The following UNC5C variants were observed in gnomAD, a reference collection of about 807,000 sequenced individuals.
UNC5C encodes the protein unc-5 netrin receptor C, also known as netrin receptor UNC5C.
Under a neutral mutation model 99.8 loss-of-function variants are expected in UNC5C, and 47 were observed. That is an observed-to-expected ratio of 0.47 (90% CI 0.37 to 0.60). The LOEUF (loss-of-function observed/expected upper bound fraction) is 0.60. Ranked by LOEUF, UNC5C falls within the 20% of genes least tolerant of loss-of-function variation. The pLI is 0.00. For missense variants in UNC5C, 1,062 were observed against 1,165.9 expected (o/e 0.91, Z 1.30); for synonymous variants, 487 against 452.2 (o/e 1.08, Z -0.98).
chr4:95,331,886 A>G (rs1384577952), intron 2 of UNC5C, among the ~76,000 whole-genome samples: 1 of 152,104 alleles, frequency 6.6e-6, no homozygotes, highest in East Asian at 1.9e-4. Context: ...AGGATACAAA[A>G]TCAATGTACA....
At chr4:95,341,144 C>A (rs920183429) in intron 1 of UNC5C, among the ~76,000 whole-genome samples, 2 of 152,044 alleles carry the variant, frequency 1.3e-5, no homozygotes, top group Non-Finnish European at 2.9e-5. Flanking sequence ...TTGTTGGAAT[C>A]CATATTACAG....
intron 1 of UNC5C, among the ~76,000 whole-genome samples, chr4:95,469,093 C>T (rs374738129): frequency 3.9e-5 from 6 of 152,216 alleles, no homozygotes; most frequent in African/African-American, 1.2e-4. Context: ...TGGAGTTAGC[C>T]TATTCCTCCC....
rs539929207 is a variant in UNC5C at position 95,495,170 on chromosome 4, T to TC, written c.124+53563dup. On this transcript the variant is annotated intron_variant, in intron 1 of 15. Coordinates refer to ENST00000453304, the MANE Select transcript of UNC5C (RefSeq NM_003728.4). ...GGCAAATTATTGTTCTCTATTTTTT[T>TC]CTTTCTAAGTAATCACTTATTTTCT... Among the ~76,000 whole-genome samples the TC allele has an allele frequency of 1.6e-4, 24 of 151,724 alleles. No individual in the cohort carries two copies. In the South Asian group the frequency reaches 4.8e-3, roughly 30 times the overall value.
intron 1 of UNC5C, among the ~76,000 whole-genome samples, chr4:95,403,607 A>T (rs527841303): frequency 6.6e-6 from 1 of 152,346 alleles, no homozygotes; most frequent in Non-Finnish European, 1.5e-5. Context: ...AAATAAATAG[A>T]TGTTTTCCAT....
chr4:95,522,694 A>C (rs1722390704), intron 1 of UNC5C, among the ~76,000 whole-genome samples: 1 of 152,200 alleles, frequency 6.6e-6, no homozygotes, highest in Non-Finnish European at 1.5e-5. Context: ...CCTTCAATAC[A>C]AAGGGCTTTA....
At chr4:95,182,087 G>A (rs1198135105) in intron 14 of UNC5C, among the ~76,000 whole-genome samples, 1 of 151,490 alleles carries the variant, frequency 6.6e-6, no homozygotes, top group Non-Finnish European at 1.5e-5. Flanking sequence ...TGGTGTGAAG[G>A]GTTATCAATT....
At chr4:95,335,718 T>G in intron 1 of UNC5C, 87 bp from the exon 2 acceptor site, 1 of 1,045,842 alleles carries the variant, frequency 9.6e-7, no homozygotes, top group Non-Finnish European at 1.4e-6. Flanking sequence ...TAGTGACTTA[T>G]AAATGCAGTA....
chr4:95,365,285 G>C (rs1027803544), intron 1 of UNC5C, among the ~76,000 whole-genome samples: 2 of 67,242 alleles, frequency 3.0e-5, no homozygotes, highest in African/African-American at 1.3e-4. Context: ...AACAGAACAA[G>C]AATCTGTCTC....
In UNC5C at chr4:95,197,982, T is replaced by C. The variant is rs901112546; in HGVS notation, c.2136+4749A>G. Among the ~76,000 whole-genome samples the C allele has an allele frequency of 8.0e-5, 8 of 100,206 alleles. No homozygotes were observed. The East Asian group carries it at 1.8e-3, about 23-fold the overall frequency. 65.7% of individuals were successfully genotyped at this position (100,206 alleles called of 152,430 possible). A position where few individuals can be genotyped will look rare whatever the true frequency, so the allele number is the denominator to read the frequency against. ...CAGCAGGTTGAGGGAGCCTCTCCCTTTTTTTTTTTTTTTTTTTTTTTAAGA... is the reference window on the plus strand; with the variant it reads ...CAGCAGGTTGAGGGAGCCTCTCCCTCTTTTTTTTTTTTTTTTTTTTTAAGA... On this transcript the variant is annotated intron_variant, in intron 12 of 15. Transcript: ENST00000453304.
chr4:95,305,345 G>GTT (rs1415439399), intron 2 of UNC5C, among the ~76,000 whole-genome samples: 1 of 152,178 alleles, frequency 6.6e-6, no homozygotes, highest in Non-Finnish European at 1.5e-5. Context: ...ACCTATGAGA[G>GTT]TTTGTTCATC....
intron 3 of UNC5C, among the ~76,000 whole-genome samples, chr4:95,295,918 TCTA>T (rs1741653615): frequency 6.6e-6 from 1 of 152,058 alleles, no homozygotes; most frequent in Admixed American, 6.6e-5. Context: ...GACCCCTATT[TCTA>T]CTAAAAATAC....
intron 6 of UNC5C, among the ~76,000 whole-genome samples, chr4:95,243,488 A>G (rs1739397142): frequency 6.6e-6 from 1 of 152,222 alleles, no homozygotes; most frequent in Non-Finnish European, 1.5e-5. Context: ...AAGAGCTTTA[A>G]AATATTAATT....
intron 1 of UNC5C, among the ~76,000 whole-genome samples, chr4:95,379,987 C>A (rs2149441487): frequency 6.6e-6 from 1 of 152,244 alleles, no homozygotes; most frequent in Non-Finnish European, 1.5e-5. Context: ...CCTATTATTG[C>A]AGCATTTGTT....
intron 1 of UNC5C, among the ~76,000 whole-genome samples, chr4:95,383,410 G>A (rs6419134): frequency 0.57 from 86,604 of 151,470 alleles, 25,067 homozygotes; most frequent in East Asian, 0.7. Flanking sequence ...AAACACATAC[G>A]ATATACTGGG....
intron 1 of UNC5C, among the ~76,000 whole-genome samples, chr4:95,487,608 T>G (rs1472066732): frequency 6.6e-6 from 1 of 151,746 alleles, no homozygotes; most frequent in Admixed American, 6.6e-5. Context: ...AATACTTATG[T>G]GCCACCAAAA....
At chr4:95,519,825 T>C (rs1447936669) in intron 1 of UNC5C, among the ~76,000 whole-genome samples, 1 of 152,226 alleles carries the variant, frequency 6.6e-6, no homozygotes, top group Admixed American at 6.5e-5. Flanking sequence ...TAGCTGAAGG[T>C]ATTTTTGTCT....
chr4:95,383,155 A>T (rs1249003742), intron 1 of UNC5C, among the ~76,000 whole-genome samples: 2 of 152,222 alleles, frequency 1.3e-5, no homozygotes, highest in East Asian at 3.9e-4. Flanking sequence ...AAAATAACAA[A>T]TACAAAAACA....
chr4:95,263,060 C>A (rs567409316), intron 4 of UNC5C, among the ~76,000 whole-genome samples: 2 of 152,256 alleles, frequency 1.3e-5, no homozygotes, highest in East Asian at 3.9e-4. Flanking sequence ...GTTGATCCAC[C>A]TGCCTCGGCC....
intron 12 of UNC5C, among the ~76,000 whole-genome samples, chr4:95,188,594 A>G (rs948981478): frequency 3.3e-5 from 5 of 152,388 alleles, no homozygotes; most frequent in African/African-American, 1.2e-4. Flanking sequence ...ACTTAAAAAT[A>G]TGCTGCAACT....
Sources: allele counts gnomAD v4.1 joint callset (sites outside exome capture counted in the v4.1 genomes callset), GRCh38; gene constraint gnomAD v4.1.1; transcripts MANE v1.5; gene names NCBI Gene and HGNC (gene_info 2026-07-23, HGNC 2026-07-21).